DENND5A: variants seen among roughly 807,000 people sequenced by gnomAD.
DENND5A encodes DENN domain-containing protein 5A.
DENND5A carries 64 observed loss-of-function variants against 140.3 expected under a neutral mutation model. That is an observed-to-expected ratio of 0.46 (90% CI 0.37 to 0.56). The LOEUF is 0.56. Among genes scored for constraint, DENND5A ranks in the 20% least tolerant of loss-of-function variants. The pLI, the probability that DENND5A is intolerant of heterozygous loss-of-function variation, is 0.00. For missense variants in DENND5A, 1,292 were observed against 1,593.8 expected (o/e 0.81, Z 3.22); for synonymous variants, 605 against 607.7 (o/e 1.00, Z 0.07).
At chr11:9,263,565 G>A (rs1196949808) in intron 1 of DENND5A, among the ~76,000 whole-genome samples, 12 of 149,220 alleles carry the variant, frequency 8.0e-5, no homozygotes, top group African/African-American at 2.9e-4. Context: ...ACACTGGGCC[G>A]GGCGCGGTGG....
intron 1 of DENND5A, among the ~76,000 whole-genome samples, chr11:9,258,441 G>T (rs1020095222): frequency 6.6e-6 from 1 of 152,082 alleles, no homozygotes; most frequent in Non-Finnish European, 1.5e-5. Context: ...CCATGTCCCT[G>T]CAAAGGACAT....
rs1554909068 is a variant in DENND5A at position 9,141,951 on chromosome 11, G to T, written c.3669C>A (p.Cys1223Ter). ...GKDGKFQMLV[C>*]LGARDHLLHH... ...TGGGTCTGCAGTACCTGGCTCCCAA[G>T]CACACCAGCATCTGAAACTTGCCAT... is the stretch of plus-strand genomic sequence containing the variant. Residue 1223 changes from cysteine to a stop codon, truncating the protein, a stop_gained, in exon 22 of 23, where the codon TGC (cysteine) becomes TGA (stop). Transcript: ENST00000328194. LOFTEE classifies it high-confidence loss of function. 6.3e-7 allele frequency: 1 copy of T among 1,593,988 alleles called. No homozygotes were observed. Among genetic ancestry groups the T allele is most frequent in the South Asian group, 1.1e-5 (1 of 87,046 alleles).
chr11:9,157,103 TACCTCAAAGCTA>T (rs1370975698), intron 12 of DENND5A, among the ~76,000 whole-genome samples: 1 of 152,228 alleles, frequency 6.6e-6, no homozygotes, highest in Non-Finnish European at 1.5e-5. Context: ...ATATATGTTT[TACCTCAAAGCTA>T]AAAGAGCTCA....
chr11:9,190,567 T>C (rs377182139), intron 5 of DENND5A, among the ~76,000 whole-genome samples: 1 of 152,168 alleles, frequency 6.6e-6, no homozygotes, highest in African/African-American at 2.4e-5. Context: ...ATTGTGAGGC[T>C]TTCCCAGCCA....
At chr11:9,181,134 GGAA>G (rs1848717000) in intron 5 of DENND5A, 50 bp from the exon 6 acceptor site, 2 of 1,536,146 alleles carry the variant, frequency 1.3e-6, no homozygotes, top group Non-Finnish European at 1.8e-6. Context: ...GAGCATTACA[GGAA>G]GAAGTTTTAG....
intron 1 of DENND5A, among the ~76,000 whole-genome samples, chr11:9,227,496 A>G (rs1850579863): frequency 6.6e-6 from 1 of 152,158 alleles, no homozygotes; most frequent in African/African-American, 2.4e-5. Flanking sequence ...TCAAATCTGA[A>G]AGGGCATCTC....
At chr11:9,244,958 T>C (rs2136279709) in intron 1 of DENND5A, among the ~76,000 whole-genome samples, 1 of 150,312 alleles carries the variant, frequency 6.7e-6, no homozygotes, top group East Asian at 2.1e-4. Flanking sequence ...ATTACAGGCG[T>C]GAGCCACCGT....
At chr11:9,257,839 C>T (rs995270814) in intron 1 of DENND5A, among the ~76,000 whole-genome samples, 47 of 150,608 alleles carry the variant, frequency 3.1e-4, no homozygotes, top group Admixed American at 1.3e-4. Flanking sequence ...GTTGCCCAGG[C>T]CAGAGTGCAG....
At chr11:9,252,275 G>A (rs570865076) in intron 1 of DENND5A, among the ~76,000 whole-genome samples, 6 of 128,464 alleles carry the variant, frequency 4.7e-5, no homozygotes, top group African/African-American at 9.3e-5. Flanking sequence ...CAGCCTGGGC[G>A]ACAGAGCAAG....
intron 1 of DENND5A, among the ~76,000 whole-genome samples, chr11:9,260,997 T>C (rs1252176482): frequency 2.0e-5 from 3 of 150,114 alleles, no homozygotes; most frequent in Admixed American, 6.8e-5. Context: ...CACAGGTGCA[T>C]GCCACCACAC....
In DENND5A at chr11:9,265,044, C is replaced by G; in HGVS notation, c.26G>C (p.Gly9Ala). MSGGGGGG[G>A]SAPSRFADYF... Reference sequence around the variant, plus strand: ...GTCGGCGAAGCGACTGGGCGCCGAGCCCCCTCCGCCGCCGCCGCCACTCAT... The same window carrying G: ...GTCGGCGAAGCGACTGGGCGCCGAGGCCCCTCCGCCGCCGCCGCCACTCAT... The change falls in exon 1 of 23, where the codon GGC becomes GCC. Residue 9 changes from glycine to alanine, a missense_variant. By Grantham distance (60) the Gly-to-Ala change is moderately conservative (BLOSUM62 0). This residue lies in a region of DENND5A where 566 missense variants were observed against 650.4 expected (regional missense o/e 0.87). Coordinates refer to ENST00000328194, the MANE Select transcript of DENND5A (RefSeq NM_015213.4). The surrounding 1 kb of genome is among the most constrained non-coding windows in gnomAD (Gnocchi z 4.7). 1 of 1,556,310 alleles carries G rather than the reference C, an allele frequency of 6.4e-7. No homozygotes were observed. The highest frequency in any genetic ancestry group is 8.7e-7 in the Non-Finnish European group (1 of 1,154,532).
intron 11 of DENND5A, among the ~76,000 whole-genome samples, chr11:9,164,943 A>G (rs1478600363): frequency 1.3e-5 from 2 of 152,178 alleles, no homozygotes; most frequent in Non-Finnish European, 1.5e-5. Flanking sequence ...TGGGCAATAT[A>G]GTGAGATCCT....
chr11:9,148,718 A>C lies in DENND5A; in HGVS notation c.2735+1363T>G, dbSNP rs759979855. Among the ~76,000 whole-genome samples, 27 of 152,336 alleles carry C rather than the reference A, an allele frequency of 1.8e-4. 1 individual carries two copies. The highest frequency in any genetic ancestry group is 1.0e-3 in the South Asian group (5 of 4,830). ...TTAACAAAAAATCTGAGAGTAAAGT[A>C]GTTATGGTGAAGACTCTGTGAAGCT... On this transcript the variant is annotated intron_variant, in intron 15 of 22. Transcript: ENST00000328194.
chr11:9,203,679 T>C lies in DENND5A; in HGVS notation c.930A>G (p.Gln310=). The C allele has an allele frequency of 1.9e-6, 3 of 1,613,556 alleles. No individual in the cohort carries two copies. Among genetic ancestry groups the C allele is most frequent in the Non-Finnish European group, 2.5e-6 (3 of 1,179,832 alleles). The stretch of plus-strand genomic sequence containing the variant: ...ACTTACGCTGTGAGTAGAGCAGGAT[T>C]TGAAACTCCAGAAGGGCACAAGTAA... The part of the protein sequence containing the change: ...QLFTCALLEF[Q]ILLYSQHYQR... The change falls in exon 4 of 23, where the codon CAA becomes CAG. Residue 310 remains glutamine (Q), a synonymous_variant. Coordinates refer to ENST00000328194, the MANE Select transcript of DENND5A (RefSeq NM_015213.4).
intron 1 of DENND5A, among the ~76,000 whole-genome samples, chr11:9,244,733 T>A (rs188200005): frequency 6.6e-6 from 1 of 152,254 alleles, no homozygotes; most frequent in African/African-American, 2.4e-5. Context: ...TAGAGTGCAG[T>A]GTCACTATCT....
chr11:9,206,518 G>A (rs1181320453), intron 3 of DENND5A, among the ~76,000 whole-genome samples, 155 bp downstream of exon 3: 1 of 152,094 alleles, frequency 6.6e-6, no homozygotes, highest in Non-Finnish European at 1.5e-5. Context: ...TTGGTATTTT[G>A]ACCAAAATGC....
chr11:9,210,889 A>G (rs1047835711), intron 1 of DENND5A, among the ~76,000 whole-genome samples: 36 of 152,306 alleles, frequency 2.4e-4, no homozygotes, highest in African/African-American at 8.2e-4. Context: ...GTGAAACTAC[A>G]ATGGGAAAAA....
intron 11 of DENND5A, among the ~76,000 whole-genome samples, chr11:9,164,194 ATTTTTTTTT>A (rs779522112): frequency 7.6e-5 from 6 of 79,062 alleles, no homozygotes; most frequent in East Asian, 7.2e-4. Flanking sequence ...ACCACGCCTA[ATTTTTTTTT>A]TTTTTTTTTT....
chr11:9,161,304 C>T (rs200946612), intron 11 of DENND5A, among the ~76,000 whole-genome samples: 8 of 151,902 alleles, frequency 5.3e-5, no homozygotes, highest in South Asian at 2.1e-4. Flanking sequence ...GCTGAGATCG[C>T]GCCACTGCAC....
Sources: allele counts gnomAD v4.1 joint callset (sites outside exome capture counted in the v4.1 genomes callset), GRCh38; gene constraint gnomAD v4.1.1; regional missense constraint gnomAD v4.1.1; non-coding constraint Gnocchi (gnomAD v3.1); transcripts MANE v1.5; gene names NCBI Gene and HGNC (gene_info 2026-07-23, HGNC 2026-07-21).